The following KATNBL1 variants were observed in gnomAD, a reference collection of about 807,000 sequenced individuals.
The protein encoded by KATNBL1 is KATNB1-like protein 1.
In KATNBL1, 28 loss-of-function variants were observed where a neutral mutation model predicts 44.7. That is an observed-to-expected ratio of 0.63 (90% CI 0.46 to 0.86). The LOEUF (loss-of-function observed/expected upper bound fraction) is 0.86, where lower values mean the gene tolerates loss of function less well. KATNBL1 is among the 40% of genes least tolerant of loss of function. The pLI, the probability that KATNBL1 is intolerant of heterozygous loss-of-function variation, is 0.00. For missense variants in KATNBL1, 272 were observed against 350.7 expected, an observed-to-expected ratio of 0.78 and a Z score of 1.79; for synonymous variants, 78 against 114.9, an observed-to-expected ratio of 0.68 and a Z score of 2.06.
At chr15:34,180,647 C>T (rs932687581) in intron 1 of KATNBL1, among the ~76,000 whole-genome samples, 1 of 152,202 alleles carries the variant, frequency 6.6e-6, no homozygotes, top group Non-Finnish European at 1.5e-5. Flanking sequence ...AATGTCAAAC[C>T]AACTTGCTGC....
rs371697082 is a variant in KATNBL1 at position 34,158,471 on chromosome 15, G to A, written c.118-3787C>T. On this transcript the variant is annotated intron_variant, in intron 2 of 9. Coordinates refer to ENST00000256544, the MANE Select transcript of KATNBL1 (RefSeq NM_024713.3). ...CTTGTTTGGCTATTTGATCTGCAAG[G>A]TTGTTCCCCCAGCTTTCAAAAGAGA... is the stretch of plus-strand genomic sequence containing the variant. Among the ~76,000 whole-genome samples, 8 of 152,328 alleles carry A rather than the reference G, an allele frequency of 5.3e-5. No individual in the cohort carries two copies. The South Asian group carries it at 1.0e-3, about 20-fold the overall frequency.
At chr15:34,175,334 G>A (rs570219662) in intron 1 of KATNBL1, among the ~76,000 whole-genome samples, 4 of 152,126 alleles carry the variant, frequency 2.6e-5, no homozygotes, top group African/African-American at 7.2e-5. Context: ...TAAGCATTCC[G>A]TTTGAGTGCT....
intron 1 of KATNBL1, among the ~76,000 whole-genome samples, chr15:34,194,171 TC>T (rs1889970085): frequency 6.6e-6 from 1 of 152,124 alleles, no homozygotes; most frequent in Non-Finnish European, 1.5e-5. Context: ...CGAACTCCTG[TC>T]CTCATGATCC....
chr15:34,195,690 C>CAAAAAAAAAAAAAAAAAAAAAAAA lies in KATNBL1; in HGVS notation c.-15+14260_-15+14261insTTTTTTTTTTTTTTTTTTTTTTTT, dbSNP rs5811824. Among the ~76,000 whole-genome samples, 8 of 111,418 alleles carry CAAAAAAAAAAAAAAAAAAAAAAAA rather than the reference C, an allele frequency of 7.2e-5. 1 individual carries two copies. Among genetic ancestry groups the CAAAAAAAAAAAAAAAAAAAAAAAA allele is most frequent in the African/African-American group, 2.9e-4 (8 of 27,338 alleles). 73.1% of individuals were successfully genotyped at this position (111,418 alleles called of 152,430 possible). On this transcript the variant is annotated intron_variant, in intron 1 of 9. Transcript: ENST00000256544. ...TGGGCAACAGAGAGAGACGCCATCT[C>CAAAAAAAAAAAAAAAAAAAAAAAA]AAAAAAAAAAAAAACCCAAAAAACA...
intron 4 of KATNBL1, among the ~76,000 whole-genome samples, chr15:34,152,386 T>A (rs1228114727): frequency 6.6e-6 from 1 of 151,968 alleles, no homozygotes; most frequent in African/African-American, 2.4e-5. Context: ...GTATTTTTAG[T>A]AGAGGCAGGG....
At chr15:34,146,431 G>A (rs760524468) in intron 8 of KATNBL1, 54 of 193,374 alleles carry the variant, frequency 2.8e-4, no homozygotes, top group Non-Finnish European at 4.7e-4. Context: ...ACCCCGCAGG[G>A]TGCCTCCATT....
chr15:34,160,261 A>G (rs1167017743), intron 2 of KATNBL1, among the ~76,000 whole-genome samples: 2 of 152,128 alleles, frequency 1.3e-5, no homozygotes, highest in African/African-American at 4.8e-5. Context: ...GCTTCCTTAC[A>G]GGTTCTGGCC....
chr15:34,198,736 T>A (rs1252525151), intron 1 of KATNBL1, among the ~76,000 whole-genome samples: 1 of 152,208 alleles, frequency 6.6e-6, no homozygotes, highest in East Asian at 1.9e-4. Context: ...TCCATAAATG[T>A]GACATTCCTT....
intron 1 of KATNBL1, among the ~76,000 whole-genome samples, chr15:34,198,966 A>C (rs1890096156): frequency 6.6e-6 from 1 of 152,196 alleles, no homozygotes; most frequent in Non-Finnish European, 1.5e-5. Context: ...TACCATTTTG[A>C]AAGAATGTGG....
intron 1 of KATNBL1, among the ~76,000 whole-genome samples, chr15:34,184,732 C>A (rs1889673487): frequency 2.6e-5 from 4 of 151,418 alleles, no homozygotes; most frequent in Admixed American, 2.6e-4. Flanking sequence ...GCCACCATGC[C>A]CGGCTAATTT....
chr15:34,165,217 T>C (rs1458410071), intron 1 of KATNBL1, among the ~76,000 whole-genome samples: 1 of 152,176 alleles, frequency 6.6e-6, no homozygotes, highest in Non-Finnish European at 1.5e-5. Flanking sequence ...ATCTCTTAAG[T>C]AGACACTTGT....
At chr15:34,185,076 C>T (rs1889681590) in intron 1 of KATNBL1, among the ~76,000 whole-genome samples, 1 of 151,682 alleles carries the variant, frequency 6.6e-6, no homozygotes, top group African/African-American at 2.4e-5. Flanking sequence ...CTCAAGTGAT[C>T]CTGCCACCTC....
intron 1 of KATNBL1, among the ~76,000 whole-genome samples, chr15:34,205,152 C>T (rs1212301335): frequency 6.6e-6 from 1 of 152,104 alleles, no homozygotes; most frequent in East Asian, 1.9e-4. Context: ...CACCACCACA[C>T]CCAACTAATT....
At chr15:34,157,099 G>A (rs1888660721) in intron 2 of KATNBL1, among the ~76,000 whole-genome samples, 1 of 152,134 alleles carries the variant, frequency 6.6e-6, no homozygotes, top group South Asian at 2.1e-4. Flanking sequence ...AGTTGCCTCT[G>A]GCTTGGCACA....
intron 1 of KATNBL1, among the ~76,000 whole-genome samples, chr15:34,198,985 CG>C (rs1890096542): frequency 6.6e-6 from 1 of 152,034 alleles, no homozygotes; most frequent in South Asian, 2.1e-4. Context: ...GGCAATTAAA[CG>C]GGGCATGGAT....
At chr15:34,158,062 T>A (rs1888689976) in intron 2 of KATNBL1, among the ~76,000 whole-genome samples, 1 of 152,222 alleles carries the variant, frequency 6.6e-6, no homozygotes. Flanking sequence ...ACTTGGATAC[T>A]TTGGAACAGT....
rs1359544759 is a variant in KATNBL1 at position 34,209,038 on chromosome 15, G to T, written c.-15+913C>A. The T allele has an allele frequency of 3.9e-5, 6 of 152,296 alleles. No homozygotes were observed. The East Asian group carries it at 1.2e-3, about 29-fold the overall frequency. The allele number at this position is 152,296 out of a possible 1,614,324, so 9.4% of individuals were successfully genotyped here. A position where few individuals can be genotyped will look rare whatever the true frequency, so the allele number is the denominator to read the frequency against. Reference sequence around the variant, plus strand: ...AAGCTCTTAATACGCCCAGCGCATAGAAAGCACAAAATAAATATTGCCCAT... The same window carrying T: ...AAGCTCTTAATACGCCCAGCGCATATAAAGCACAAAATAAATATTGCCCAT... On this transcript the variant is annotated intron_variant, in intron 1 of 9. Transcript: ENST00000256544.
At chr15:34,183,397 C>T (rs1040623966) in intron 1 of KATNBL1, among the ~76,000 whole-genome samples, 6 of 152,180 alleles carry the variant, frequency 3.9e-5, no homozygotes, top group Admixed American at 1.3e-4. Context: ...GGTATCACAA[C>T]TTACAATCTG....
At position 34,141,490 on chromosome 15, in the gene KATNBL1, A is replaced by G. The variant is rs1395866993; in HGVS notation, c.*849T>C. ...AATCTATGTACAATAAAAAGTAAAT[A>G]TAAATTAGCCAAGTCCATGGACATT... On this transcript the variant is annotated 3_prime_UTR_variant, in exon 10 of 10. Transcript: ENST00000256544. The G allele has an allele frequency of 6.6e-6, 1 of 152,632 alleles. No individual in the cohort carries two copies. The highest frequency in any genetic ancestry group is 1.5e-5 in the Non-Finnish European group (1 of 67,998). 9.5% of individuals were successfully genotyped at this position (152,632 alleles called of 1,614,324 possible). A position where few individuals can be genotyped will look rare whatever the true frequency, so the allele number is the denominator to read the frequency against.
Sources: allele counts gnomAD v4.1 joint callset (sites outside exome capture counted in the v4.1 genomes callset), GRCh38; gene constraint gnomAD v4.1.1; transcripts MANE v1.5; gene names NCBI Gene and HGNC (gene_info 2026-07-23, HGNC 2026-07-21).